Variants in PABPC4L observed in about 807,000 individuals in gnomAD.
The protein encoded by PABPC4L is polyadenylate-binding protein 4-like.
For synonymous variants in PABPC4L, 169 were observed against 164.1 expected, an observed-to-expected ratio of 1.03 and a Z score of -0.23; for missense variants, 452 against 451.4, an observed-to-expected ratio of 1.00 and a Z score of -0.01.
chr4:134,038,742 A>G, the PABPC4L span, among the ~76,000 whole-genome samples: 1 of 151,856 alleles, frequency 6.6e-6, no homozygotes, highest in African/African-American at 2.4e-5. Flanking sequence ...CTAGGGGTCT[A>G]TCTATTTTGT....
chr4:134,042,824 A>T, the PABPC4L span, among the ~76,000 whole-genome samples: 2 of 152,192 alleles, frequency 1.3e-5, no homozygotes, highest in Non-Finnish European at 2.9e-5. Context: ...AGTGAGAAGG[A>T]GAGACAAAGT....
At chr4:134,003,366 T>C in the PABPC4L span, among the ~76,000 whole-genome samples, 4 of 152,070 alleles carry the variant, frequency 2.6e-5, no homozygotes, top group Admixed American at 2.6e-4. Context: ...CTTATCATCA[T>C]CTTTGAACAT....
chr4:134,135,692 G>A, the PABPC4L span, among the ~76,000 whole-genome samples: 1 of 151,990 alleles, frequency 6.6e-6, no homozygotes, highest in East Asian at 1.9e-4. Flanking sequence ...AATTAGCTGG[G>A]CATGGTGGCA....
chr4:134,016,278 A>G, the PABPC4L span, among the ~76,000 whole-genome samples: 7 of 152,178 alleles, frequency 4.6e-5, no homozygotes, highest in Admixed American at 1.3e-4. Context: ...ACTAAACGTC[A>G]ATATTTATAC....
chr4:133,987,876 G>A, the PABPC4L span, among the ~76,000 whole-genome samples: 2 of 152,150 alleles, frequency 1.3e-5, no homozygotes, highest in Admixed American at 1.3e-4. Context: ...AGAAGAAAGA[G>A]GTTTAATTGA....
downstream of PABPC4L, among the ~76,000 whole-genome samples, chr4:134,192,438 T>C (rs79431720): frequency 0.091 from 13,857 of 152,098 alleles, 706 homozygotes; most frequent in South Asian, 0.13. Flanking sequence ...GTGATGGAAA[T>C]GTCCCAAAAT....
At chr4:134,165,861 A>C in the PABPC4L span, among the ~76,000 whole-genome samples, 1 of 152,170 alleles carries the variant, frequency 6.6e-6, no homozygotes, top group African/African-American at 2.4e-5. Context: ...GCCATTCACA[A>C]TTGCGTTAGT....
At position 134,200,085 on chromosome 4, in the gene PABPC4L, T is replaced by C; in HGVS notation, c.935A>G (p.Glu312Gly). Reference protein sequence around the residue: ...DTIDDEKLRNEFSSFGSISRV... With the variant: ...DTIDDEKLRNGFSSFGSISRV... Reference sequence around the variant, plus strand: ...GCTAATTGATCCAAATGAAGAAAATTCGTTTCGTAGTTTTTCATCATCGAT... The same window carrying C: ...GCTAATTGATCCAAATGAAGAAAATCCGTTTCGTAGTTTTTCATCATCGAT... The change falls in exon 2 of 2, where the codon GAA (glutamate) becomes GGA (glycine). Residue 312 changes from glutamate to glycine, a missense_variant. Coordinates refer to ENST00000421491, the MANE Select transcript of PABPC4L (RefSeq NM_001114734.2). 3 of 1,551,608 alleles carry C rather than the reference T, an allele frequency of 1.9e-6. No homozygotes were observed. Among genetic ancestry groups the C allele is most frequent in the Non-Finnish European group, 2.6e-6 (3 of 1,146,960 alleles).
the PABPC4L span, among the ~76,000 whole-genome samples, chr4:134,185,338 C>A: frequency 1.4e-4 from 21 of 152,038 alleles, no homozygotes; most frequent in Non-Finnish European, 2.4e-4. Context: ...GCTTATCTAC[C>A]ACAATCAACT....
the PABPC4L span, among the ~76,000 whole-genome samples, chr4:134,170,045 C>A: frequency 6.6e-6 from 1 of 152,130 alleles, no homozygotes; most frequent in African/African-American, 2.4e-5. Context: ...CCACACTCCA[C>A]ACTCAAGTAG....
chr4:133,960,680 A>G, the PABPC4L span, among the ~76,000 whole-genome samples: 2 of 152,046 alleles, frequency 1.3e-5, no homozygotes, highest in African/African-American at 4.8e-5. Context: ...CAAGTACTCA[A>G]CCCTGATTGC....
chr4:134,151,194 T>G, the PABPC4L span, among the ~76,000 whole-genome samples: 1 of 152,124 alleles, frequency 6.6e-6, no homozygotes, highest in Non-Finnish European at 1.5e-5. Flanking sequence ...CCCTTGTTCT[T>G]GACCTGTTTG....
At chr4:134,027,759 A>T in the PABPC4L span, among the ~76,000 whole-genome samples, 430 of 152,224 alleles carry the variant, frequency 2.8e-3, 4 homozygotes, top group African/African-American at 9.7e-3. Flanking sequence ...ATCACATTGT[A>T]CTCCATAAGT....
chr4:134,011,047 A>G, the PABPC4L span, among the ~76,000 whole-genome samples: 1 of 152,164 alleles, frequency 6.6e-6, no homozygotes, highest in Non-Finnish European at 1.5e-5. Context: ...TCTTTCAGAT[A>G]CCAAATAATA....
chr4:134,072,758 G>A, the PABPC4L span, among the ~76,000 whole-genome samples: 1 of 152,100 alleles, frequency 6.6e-6, no homozygotes, highest in African/African-American at 2.4e-5. Flanking sequence ...GGCCTCAGGA[G>A]ACTTACTATC....
At chr4:133,991,977 C>T in the PABPC4L span, among the ~76,000 whole-genome samples, 16 of 152,056 alleles carry the variant, frequency 1.1e-4, no homozygotes, top group Admixed American at 1.3e-4. Context: ...TTATGAATAA[C>T]GGTCATAGTA....
At chr4:134,118,496 A>G in the PABPC4L span, among the ~76,000 whole-genome samples, 8 of 151,866 alleles carry the variant, frequency 5.3e-5, no homozygotes, top group African/African-American at 1.9e-4. Context: ...TGACAGTCTA[A>G]GGCAACACTT....
chr4:133,971,957 G>C, the PABPC4L span, among the ~76,000 whole-genome samples: 1 of 151,954 alleles, frequency 6.6e-6, no homozygotes, highest in Non-Finnish European at 1.5e-5. Context: ...CTTTATATTG[G>C]TAATTTTGAA....
the PABPC4L span, among the ~76,000 whole-genome samples, chr4:133,968,645 G>A: frequency 2.6e-5 from 4 of 152,026 alleles, no homozygotes; most frequent in Non-Finnish European, 5.9e-5. Context: ...GGATAACAAG[G>A]CACTATAGTA....
Sources: allele counts gnomAD v4.1 joint callset (sites outside exome capture counted in the v4.1 genomes callset), GRCh38; gene constraint gnomAD v4.1.1; transcripts MANE v1.5; gene names NCBI Gene and HGNC (gene_info 2026-07-23, HGNC 2026-07-21).